The following RNF144A variants were observed in gnomAD, a reference collection of about 807,000 sequenced individuals.
RNF144A encodes ring finger protein 144A.
A neutral mutation model predicts 38.7 loss-of-function variants in RNF144A; 11 were observed. The observed-to-expected ratio is 0.28, with a 90% CI of 0.18 to 0.47. The LOEUF (loss-of-function observed/expected upper bound fraction) is 0.47. Among genes scored for constraint, RNF144A ranks in the 20% least tolerant of loss-of-function variants. RNF144A has a pLI of 0.99. For synonymous variants in RNF144A, 149 were observed against 143.9 expected (o/e 1.04, Z -0.25); for missense variants, 316 against 377.2 (o/e 0.84, Z 1.34).
intron 7 of RNF144A, among the ~76,000 whole-genome samples, chr2:7,026,410 G>C (rs1288836590): frequency 1.3e-5 from 2 of 152,026 alleles, no homozygotes; most frequent in African/African-American, 4.8e-5. Context: ...AGTCCTCAAG[G>C]GGATTTGTGG....
chr2:6,934,977 T>C (rs989873537), intron 1 of RNF144A, among the ~76,000 whole-genome samples: 10 of 152,190 alleles, frequency 6.6e-5, no homozygotes, highest in Admixed American at 4.6e-4. Context: ...AAAAACCACA[T>C]GGTCAAGGTG....
intron 2 of RNF144A, among the ~76,000 whole-genome samples, chr2:6,971,377 G>A (rs1667991365): frequency 6.6e-6 from 1 of 152,190 alleles, no homozygotes; most frequent in African/African-American, 2.4e-5. Context: ...AGTATACGTG[G>A]TGATTCCAGT....
intron 2 of RNF144A, among the ~76,000 whole-genome samples, chr2:6,981,334 CT>C (rs1022788000): frequency 8.1e-5 from 12 of 148,784 alleles, no homozygotes; most frequent in Admixed American, 1.3e-4. Context: ...TTTATCTCTG[CT>C]TTTTTTTTTA....
intron 2 of RNF144A, among the ~76,000 whole-genome samples, chr2:6,979,190 C>T (rs1018469509): frequency 7.9e-5 from 12 of 152,124 alleles, no homozygotes; most frequent in Non-Finnish European, 7.4e-5. Flanking sequence ...GAGTGGGAGG[C>T]GCTGCTGTGG....
downstream of RNF144A, among the ~76,000 whole-genome samples, chr2:7,045,561 C>A (rs1195292832): frequency 6.6e-6 from 1 of 152,210 alleles, no homozygotes; most frequent in Non-Finnish European, 1.5e-5. Context: ...ACAGCTCCTT[C>A]ATCTAAGGGC....
downstream of RNF144A, among the ~76,000 whole-genome samples, chr2:7,047,898 G>C (rs1002738190): frequency 1.3e-5 from 2 of 152,144 alleles, no homozygotes; most frequent in African/African-American, 4.8e-5. Context: ...AGGATAAGTG[G>C]CTGGTGAAGC....
chr2:6,926,466 C>T (rs1558354763), intron 1 of RNF144A, among the ~76,000 whole-genome samples: 1 of 152,240 alleles, frequency 6.6e-6, no homozygotes. Context: ...AACTGCCTTT[C>T]CCTCTCTTAC....
At position 6,977,482 on chromosome 2, in the gene RNF144A, A is replaced by G. The variant is rs114526019; in HGVS notation, c.-11-19434A>G. Among the ~76,000 whole-genome samples, 1,058 of 152,370 alleles carry G rather than the reference A, an allele frequency of 6.9e-3. 14 individuals are homozygous for G. The highest frequency in any genetic ancestry group is 0.024 in the African/African-American group (1,014 of 41,594). ...ACATTTTAATTTCACTGCAGAGAGGATCGCACCTCATTACTAGCGGTTATT... is the reference window on the plus strand; with the variant it reads ...ACATTTTAATTTCACTGCAGAGAGGGTCGCACCTCATTACTAGCGGTTATT... On this transcript the variant is annotated intron_variant, in intron 2 of 8. Coordinates refer to ENST00000320892, the MANE Select transcript of RNF144A (RefSeq NM_014746.6).
chr2:7,048,413 G>A (rs538724422), downstream of RNF144A, among the ~76,000 whole-genome samples: 89 of 152,198 alleles, frequency 5.8e-4, no homozygotes, highest in African/African-American at 2.1e-3. Context: ...TTCACTTTAG[G>A]CAAGAAAATT....
chr2:6,960,506 T>C (rs530331307), intron 2 of RNF144A, among the ~76,000 whole-genome samples: 2 of 152,266 alleles, frequency 1.3e-5, no homozygotes, highest in South Asian at 4.1e-4. Flanking sequence ...TTCTGGAAAG[T>C]GATGGTCACA....
At chr2:7,065,728 T>C (rs974313992) in intron 6 of RNF144A, among the ~76,000 whole-genome samples, 8 of 152,250 alleles carry the variant, frequency 5.3e-5, no homozygotes, top group African/African-American at 1.7e-4. Context: ...TTTTGTTATT[T>C]ATGGACAGTT....
At chr2:6,963,499 CT>C (rs1305489723) in intron 2 of RNF144A, among the ~76,000 whole-genome samples, 1 of 152,134 alleles carries the variant, frequency 6.6e-6, no homozygotes, top group Non-Finnish European at 1.5e-5. Flanking sequence ...CCTCCTTCTT[CT>C]TCTCAGAATG....
downstream of RNF144A, among the ~76,000 whole-genome samples, chr2:7,071,226 G>A (rs961333531): frequency 2.6e-5 from 4 of 152,154 alleles, no homozygotes; most frequent in African/African-American, 4.8e-5. Context: ...ATGAGCCACC[G>A]TGCCTGGCCT....
chr2:7,067,671 A>C lies in RNF144A; in HGVS notation c.735-545A>C, dbSNP rs1674289912. On this transcript the variant is annotated intron_variant, in intron 6 of 6. Transcript: ENST00000432850. ...ATGAGAAAATGGAGTTACAGCGTTC[A>C]AAAGAAAGAAGAATGTCTCTCCTTT... Among the ~76,000 whole-genome samples, 6 of 152,182 alleles carry C rather than the reference A, an allele frequency of 3.9e-5. No homozygotes were observed. The South Asian group carries it at 1.0e-3, about 26-fold the overall frequency.
chr2:7,024,550 T>G (rs200572802), intron 7 of RNF144A, 34 bp downstream of exon 7: 3 of 1,579,810 alleles, frequency 1.9e-6, no homozygotes, highest in Admixed American at 1.7e-5. Flanking sequence ...CTTGCGGCAT[T>G]TAGCTTTGAG....
chr2:6,963,186 T>A (rs1667449642), intron 2 of RNF144A, among the ~76,000 whole-genome samples: 1 of 152,170 alleles, frequency 6.6e-6, no homozygotes, highest in African/African-American at 2.4e-5. Flanking sequence ...TCAGGTAACA[T>A]GAACACTAAA....
intron 2 of RNF144A, among the ~76,000 whole-genome samples, chr2:6,992,806 C>G (rs375502056): frequency 6.6e-6 from 1 of 152,240 alleles, no homozygotes; most frequent in African/African-American, 2.4e-5. Context: ...CCAGCTCTCT[C>G]TTATCCTTGT....
chr2:7,036,586 G>A (rs1289940987), intron 8 of RNF144A, among the ~76,000 whole-genome samples: 3 of 152,216 alleles, frequency 2.0e-5, no homozygotes, highest in Non-Finnish European at 4.4e-5. Context: ...AGCTCTGTCT[G>A]TTTTAAACAA....
At chr2:7,066,873 A>G (rs549585018) in intron 6 of RNF144A, among the ~76,000 whole-genome samples, 4 of 152,210 alleles carry the variant, frequency 2.6e-5, no homozygotes, top group Non-Finnish European at 5.9e-5. Context: ...GCCTGAGAGC[A>G]AGTCCTTGGC....
Sources: gnomAD v4.1 joint callset for allele counts (sites outside exome capture counted in the v4.1 genomes callset) on GRCh38, gnomAD v4.1.1 for gene constraint, MANE v1.5 for transcripts, NCBI Gene and HGNC (gene_info 2026-07-23, HGNC 2026-07-21) for gene names.